Variants in PCDHA7 observed in about 807,000 individuals in gnomAD.
PCDHA7 encodes protocadherin alpha 7.
Under a neutral mutation model 57.2 loss-of-function variants are expected in PCDHA7, and 37 were observed. The observed-to-expected ratio is 0.65, with a 90% confidence interval of 0.50 to 0.85. The LOEUF is 0.85. Ranked by LOEUF, PCDHA7 falls within the 40% of genes least tolerant of loss-of-function variation. The pLI is 0.00. For synonymous variants in PCDHA7, 553 were observed against 558.8 expected (o/e 0.99, Z 0.15); for missense variants, 1,188 against 1,241.8 (o/e 0.96, Z 0.65).
chr5:140,993,463 CACACA>C (rs1563592057), intron 3 of PCDHA7, among the ~76,000 whole-genome samples: 16 of 7,580 alleles, frequency 2.1e-3, no homozygotes, highest in African/African-American at 9.9e-3. Flanking sequence ...CTTTCTTTCT[CACACA>C]CACACACACA....
chr5:140,973,606 G>T (rs1554235444), intron 1 of PCDHA7, among the ~76,000 whole-genome samples: 1 of 152,204 alleles, frequency 6.6e-6, no homozygotes, highest in African/African-American at 2.4e-5. Flanking sequence ...TTATGGCTGA[G>T]CTCTTCTCTG....
intron 1 of PCDHA7, chr5:140,865,066 G>A (rs1299001288): frequency 1.3e-5 from 2 of 152,140 alleles, no homozygotes; most frequent in African/African-American, 4.8e-5. Flanking sequence ...AATAACTTAA[G>A]TATAAGAACC....
chr5:140,943,616 C>T (rs1221074220), intron 1 of PCDHA7, among the ~76,000 whole-genome samples: 3 of 152,048 alleles, frequency 2.0e-5, no homozygotes, highest in African/African-American at 7.3e-5. Context: ...TTTGATTCAT[C>T]TGCATAAGGA....
At chr5:140,869,617 C>T (rs782525218) in intron 1 of PCDHA7, 3 of 1,613,828 alleles carry the variant, frequency 1.9e-6, no homozygotes, top group Non-Finnish European at 2.5e-6. Context: ...GACCTACAGG[C>T]TAAGTAAAAA....
intron 1 of PCDHA7, chr5:140,860,150 T>G (rs868970469): frequency 6.7e-6 from 1 of 150,164 alleles, no homozygotes; most frequent in Non-Finnish European, 1.5e-5. Flanking sequence ...TATGTATATA[T>G]GTGTATATAT....
At chr5:141,002,184 T>A (rs1554258557) in intron 3 of PCDHA7, among the ~76,000 whole-genome samples, 1 of 152,218 alleles carries the variant, frequency 6.6e-6, no homozygotes, top group East Asian at 1.9e-4. Flanking sequence ...CAGAGTGCTG[T>A]CTGGCAAGAT....
At chr5:140,984,783 G>A (rs2097120793) in intron 3 of PCDHA7, among the ~76,000 whole-genome samples, 1 of 152,152 alleles carries the variant, frequency 6.6e-6, no homozygotes, top group African/African-American at 2.4e-5. Flanking sequence ...CTTGCTGGGT[G>A]AGCATAGACA....
intron 1 of PCDHA7, among the ~76,000 whole-genome samples, chr5:140,846,965 G>T (rs1780782789): frequency 6.7e-6 from 1 of 149,528 alleles, no homozygotes; most frequent in South Asian, 2.1e-4. Flanking sequence ...TGTTTCAGTG[G>T]TTTTAAAATA....
At chr5:140,948,752 C>T (rs246047) in intron 1 of PCDHA7, among the ~76,000 whole-genome samples, 85,413 of 151,184 alleles carry the variant, frequency 0.56, 24,715 homozygotes, top group African/African-American at 0.69. Context: ...ATCAATTTTG[C>T]TGATTTTTTT....
chr5:140,970,473 CA>C (rs1177454514), intron 1 of PCDHA7, among the ~76,000 whole-genome samples: 4 of 151,956 alleles, frequency 2.6e-5, no homozygotes, highest in African/African-American at 9.7e-5. Flanking sequence ...GGTATAAGGC[CA>C]GCTTGTTCAT....
At chr5:140,893,264 A>T (rs1554185566) in intron 1 of PCDHA7, among the ~76,000 whole-genome samples, 1 of 152,290 alleles carries the variant, frequency 6.6e-6, no homozygotes, top group African/African-American at 2.4e-5. Context: ...ATAAATGCCC[A>T]ATAGTGGAAT....
At chr5:141,009,389 G>A (rs1234679148) in intron 3 of PCDHA7, among the ~76,000 whole-genome samples, 1 of 152,178 alleles carries the variant, frequency 6.6e-6, no homozygotes, top group Non-Finnish European at 1.5e-5. Context: ...AGCACAGGAG[G>A]TCGAGGCTGC....
chr5:140,995,993 A>G (rs1017469411), intron 3 of PCDHA7, among the ~76,000 whole-genome samples: 16 of 152,226 alleles, frequency 1.1e-4, no homozygotes, highest in Non-Finnish European at 1.8e-4. Context: ...GCCACTCAAA[A>G]ATGTCGTCAG....
At chr5:141,002,702 G>A (rs2153975030) in intron 3 of PCDHA7, among the ~76,000 whole-genome samples, 1 of 152,294 alleles carries the variant, frequency 6.6e-6, no homozygotes, top group South Asian at 2.1e-4. Context: ...GTTTAACTCT[G>A]TTGCACACAC....
chr5:140,844,328 A>T (rs2150370621), intron 1 of PCDHA7, among the ~76,000 whole-genome samples: 8 of 149,410 alleles, frequency 5.4e-5, no homozygotes, highest in Non-Finnish European at 9.0e-5. Flanking sequence ...TTTATTATAA[A>T]CTAGTTAAAA....
chr5:140,908,186 G>A (rs189627133), intron 1 of PCDHA7, among the ~76,000 whole-genome samples: 52 of 152,292 alleles, frequency 3.4e-4, no homozygotes, highest in African/African-American at 1.2e-3. Context: ...CCACTTTCAG[G>A]TGGTGGACAT....
intron 1 of PCDHA7, chr5:140,850,751 G>A (rs2041804257): frequency 6.3e-7 from 1 of 1,597,836 alleles, no homozygotes; most frequent in Non-Finnish European, 8.6e-7. Flanking sequence ...CGTACTCGCA[G>A]CAGAGGAGGC....
rs185233104 is a variant in PCDHA7, at chr5:140,979,751, C to T, written c.2414+744C>T. 6.6e-5 allele frequency among the ~76,000 whole-genome samples: 10 copies of T among 152,136 alleles called. No individual in the cohort carries two copies. The South Asian group carries it at 1.2e-3, about 19-fold the overall frequency. On this transcript the variant is annotated intron_variant, in intron 2 of 3. Coordinates refer to ENST00000525929, the MANE Select transcript of PCDHA7 (RefSeq NM_018910.3). ...GGCCAAATAAAAGATTCATTATTTG[C>T]GAATGTCTTTGGAAACCAAATGGGA...
intron 1 of PCDHA7, chr5:140,967,906 C>T (rs529421659): frequency 1.2e-6 from 2 of 1,614,208 alleles, no homozygotes; most frequent in Non-Finnish European, 1.7e-6. Context: ...ATGCTACACC[C>T]AACACCATTG....
Sources: allele counts gnomAD v4.1 joint callset (sites outside exome capture counted in the v4.1 genomes callset), GRCh38; gene constraint gnomAD v4.1.1; transcripts MANE v1.5; gene names NCBI Gene and HGNC (gene_info 2026-07-23, HGNC 2026-07-21).